SMAD9: variants seen among roughly 807,000 people sequenced by gnomAD.
SMAD9 encodes SMAD family member 9, also known as MAD homolog 9.
Under a neutral mutation model 46.1 loss-of-function variants are expected in SMAD9, and 36 were observed. The observed-to-expected ratio is 0.78, with a 90% CI of 0.60 to 1.03. SMAD9 has a LOEUF of 1.03. Among genes scored for constraint, SMAD9 ranks in the 50% least tolerant of loss-of-function variants. The pLI is 0.00. For synonymous variants in SMAD9, 245 were observed against 237.1 expected, an observed-to-expected ratio of 1.03 and a Z score of -0.31; for missense variants, 572 against 599.8, an observed-to-expected ratio of 0.95 and a Z score of 0.48.
At chr13:36,909,542 C>T (rs1416577176) in intron 1 of SMAD9, among the ~76,000 whole-genome samples, 3 of 152,124 alleles carry the variant, frequency 2.0e-5, no homozygotes, top group Admixed American at 2.0e-4. Flanking sequence ...ACACTGTATG[C>T]CACCCCACAA....
At chr13:36,915,239 A>C (rs1304850071) in intron 1 of SMAD9, among the ~76,000 whole-genome samples, 1 of 152,180 alleles carries the variant, frequency 6.6e-6, no homozygotes, top group Admixed American at 6.5e-5. Context: ...TGGCCGCAAG[A>C]CCACATGTAT....
At chr13:36,858,829 T>C (rs2058151419) in intron 5 of SMAD9, among the ~76,000 whole-genome samples, 2 of 152,152 alleles carry the variant, frequency 1.3e-5, no homozygotes, top group African/African-American at 4.8e-5. Context: ...TTTGAGACAG[T>C]CTCCTGCCTA....
At chr13:36,896,246 C>T (rs778102279) in intron 1 of SMAD9, among the ~76,000 whole-genome samples, 4 of 152,092 alleles carry the variant, frequency 2.6e-5, no homozygotes, top group African/African-American at 4.8e-5. Context: ...AGTCCTCCCA[C>T]CTCAGCCTCC....
At chr13:36,910,023 C>T (rs191154499) in intron 1 of SMAD9, among the ~76,000 whole-genome samples, 2,447 of 152,010 alleles carry the variant, frequency 0.016, 27 homozygotes, top group Non-Finnish European at 0.024. Context: ...CGGTGAAACC[C>T]CATCTCTACT....
rs185569239 is a variant in SMAD9, at chr13:36,866,229, G to C, written c.782-471C>G. 1.1e-4 allele frequency among the ~76,000 whole-genome samples: 17 copies of C among 151,264 alleles called. 1 individual carries two copies. The highest frequency in any genetic ancestry group is 3.3e-4 in the Admixed American group (5 of 15,090). On this transcript the variant is annotated intron_variant, in intron 4 of 6. Transcript: ENST00000379826. ...AACTAGAGATGGAAAACAATAGTTT[G>C]ACTATGATAAAAAGCAAATCAATAA...
chr13:36,919,231 G>A (rs1004731853), intron 1 of SMAD9, among the ~76,000 whole-genome samples: 1 of 152,214 alleles, frequency 6.6e-6, no homozygotes, highest in African/African-American at 2.4e-5. Flanking sequence ...GGAAGGAATA[G>A]TAACGGGAAA....
At chr13:36,912,890 T>C (rs995215008) in intron 1 of SMAD9, among the ~76,000 whole-genome samples, 4 of 152,016 alleles carry the variant, frequency 2.6e-5, no homozygotes, top group Non-Finnish European at 5.9e-5. Flanking sequence ...AATACAGTCA[T>C]CCCCAGGTAT....
rs2058387181 is a variant in SMAD9 at position 36,879,810 on chromosome 13, C to A, written c.-121G>T. 5.4e-6 allele frequency: 6 copies of A among 1,105,764 alleles called. No individual in the cohort carries two copies. Among genetic ancestry groups the A allele is most frequent in the Middle Eastern group, 3.0e-4 (1 of 3,374 alleles). 68.5% of individuals were successfully genotyped at this position (1,105,764 alleles called of 1,614,324 possible). Reference sequence around the variant, plus strand: ...AACCCGCCCGTTCTTCTGGGAGCAGCTGGGACCAATTCAAGTTGCGAAGTG... The same window carrying A: ...AACCCGCCCGTTCTTCTGGGAGCAGATGGGACCAATTCAAGTTGCGAAGTG... On this transcript the variant is annotated 5_prime_UTR_variant, in exon 2 of 7. Coordinates refer to ENST00000379826, the MANE Select transcript of SMAD9 (RefSeq NM_001127217.3).
At chr13:36,915,817 T>C (rs955085334) in intron 1 of SMAD9, among the ~76,000 whole-genome samples, 1 of 152,244 alleles carries the variant, frequency 6.6e-6, no homozygotes, top group Admixed American at 6.5e-5. Flanking sequence ...ATTCTGAATT[T>C]AAATTTTATA....
intron 1 of SMAD9, among the ~76,000 whole-genome samples, chr13:36,906,937 T>A (rs2058624573): frequency 6.6e-6 from 1 of 152,180 alleles, no homozygotes. Flanking sequence ...AAATAGGTAC[T>A]CAATGTTCAT....
At chr13:36,854,608 G>C (rs2058105513) in intron 5 of SMAD9, among the ~76,000 whole-genome samples, 1 of 152,102 alleles carries the variant, frequency 6.6e-6, no homozygotes, top group African/African-American at 2.4e-5. Context: ...CCAACCTCAA[G>C]TAATCCACCC....
At chr13:36,885,044 G>A (rs991745098) in intron 1 of SMAD9, among the ~76,000 whole-genome samples, 6 of 152,068 alleles carry the variant, frequency 3.9e-5, no homozygotes, top group Admixed American at 6.5e-5. Context: ...ATTTTGACCC[G>A]CTAATCCATG....
chr13:36,920,804 C>CT (rs1566047801), upstream of SMAD9: 1 of 152,312 alleles, frequency 6.6e-6, no homozygotes, highest in Non-Finnish European at 1.5e-5. Context: ...TCCTGATTTG[C>CT]TTTTCGGAGT....
intron 2 of SMAD9, among the ~76,000 whole-genome samples, chr13:36,874,916 T>C (rs1441823743): frequency 2.7e-5 from 4 of 149,544 alleles, no homozygotes; most frequent in East Asian, 2.0e-4. Flanking sequence ...TATGTATGTA[T>C]GTGAGTGAAA....
chr13:36,855,250 T>TAAAAA (rs2058112944), intron 5 of SMAD9, among the ~76,000 whole-genome samples: 1 of 75,856 alleles, frequency 1.3e-5, no homozygotes. Context: ...AGAGTCCATC[T>TAAAAA]CAAAAAAAAA....
chr13:36,875,755 G>A (rs1297208489), intron 2 of SMAD9, among the ~76,000 whole-genome samples: 3 of 151,942 alleles, frequency 2.0e-5, no homozygotes, highest in Admixed American at 1.3e-4. Flanking sequence ...AAATATCTAC[G>A]GTATATTCCT....
At chr13:36,866,206 C>A (rs909916808) in intron 4 of SMAD9, among the ~76,000 whole-genome samples, 4 of 151,892 alleles carry the variant, frequency 2.6e-5, no homozygotes. Flanking sequence ...TTCTAACAAA[C>A]TAGAGATGGA....
At chr13:36,867,118 A>C (rs1344938386) in intron 4 of SMAD9, among the ~76,000 whole-genome samples, 155 bp downstream of exon 4, 1 of 152,232 alleles carries the variant, frequency 6.6e-6, no homozygotes, top group Non-Finnish European at 1.5e-5. Context: ...GGAATGTCAA[A>C]GTTAAAATGC....
chr13:36,860,300 G>A (rs2058168414), intron 5 of SMAD9, among the ~76,000 whole-genome samples: 1 of 151,864 alleles, frequency 6.6e-6, no homozygotes, highest in Admixed American at 6.6e-5. Context: ...TCATAAAATG[G>A]TTTAAAAAAA....
Sources: gnomAD v4.1 joint callset for allele counts (sites outside exome capture counted in the v4.1 genomes callset) on GRCh38, gnomAD v4.1.1 for gene constraint, MANE v1.5 for transcripts, NCBI Gene and HGNC (gene_info 2026-07-23, HGNC 2026-07-21) for gene names.